Variants in GRIA4 observed in about 807,000 individuals in gnomAD.
The protein encoded by GRIA4 is glutamate ionotropic receptor AMPA type subunit 4.
Under a neutral mutation model 104.0 loss-of-function variants are expected in GRIA4, and 34 were observed. The observed-to-expected ratio is 0.33, with a 90% confidence interval of 0.25 to 0.44. GRIA4 has a LOEUF of 0.44. Ranked by LOEUF, GRIA4 falls within the 20% of genes least tolerant of loss-of-function variation. The pLI is 1.00. For missense variants in GRIA4, 750 were observed against 1,096.5 expected, an observed-to-expected ratio of 0.68 and a Z score of 4.46; for synonymous variants, 386 against 381.9, an observed-to-expected ratio of 1.01 and a Z score of -0.13.
At chr11:105,871,691 A>C (rs1227054019) in intron 5 of GRIA4, among the ~76,000 whole-genome samples, 1 of 151,948 alleles carries the variant, frequency 6.6e-6, no homozygotes, top group Non-Finnish European at 1.5e-5. Flanking sequence ...TGAAAAAAAA[A>C]TCTGCTGAAA....
At chr11:105,650,036 T>A (rs1485770938) in intron 3 of GRIA4, among the ~76,000 whole-genome samples, 1 of 152,134 alleles carries the variant, frequency 6.6e-6, no homozygotes, top group African/African-American at 2.4e-5. Flanking sequence ...AACATGTGTA[T>A]AATATAATTT....
At chr11:105,687,862 CT>C (rs1220337500) in intron 3 of GRIA4, among the ~76,000 whole-genome samples, 2 of 152,140 alleles carry the variant, frequency 1.3e-5, no homozygotes, top group Non-Finnish European at 2.9e-5. Context: ...ATAACTTATC[CT>C]TAAAGTTTCT....
intron 14 of GRIA4, among the ~76,000 whole-genome samples, chr11:105,956,811 C>G (rs910499057): frequency 1.4e-4 from 21 of 152,272 alleles, no homozygotes; most frequent in South Asian, 8.3e-4. Context: ...TAACTGGTGT[C>G]AGATGGTATC....
chr11:105,830,704 A>T (rs1425944155), intron 4 of GRIA4, among the ~76,000 whole-genome samples: 1 of 152,056 alleles, frequency 6.6e-6, no homozygotes, highest in Admixed American at 6.6e-5. Context: ...TCAATTGGAC[A>T]TAGGCATAAC....
chr11:105,862,809 T>C (rs1945275342), intron 5 of GRIA4, among the ~76,000 whole-genome samples: 1 of 152,220 alleles, frequency 6.6e-6, no homozygotes, highest in African/African-American at 2.4e-5. Flanking sequence ...TATTTGTTGA[T>C]TTGATTTGAA....
chr11:105,971,758 G>A (rs1384501775), intron 14 of GRIA4, among the ~76,000 whole-genome samples, 156 bp from the exon 15 acceptor site: 1 of 152,172 alleles, frequency 6.6e-6, no homozygotes, highest in Non-Finnish European at 1.5e-5. Context: ...GCAGGCCCCA[G>A]TTTTATGTCT....
chr11:105,640,996 T>C (rs1175580405), intron 3 of GRIA4, among the ~76,000 whole-genome samples: 1 of 152,092 alleles, frequency 6.6e-6, no homozygotes, highest in African/African-American at 2.4e-5. Context: ...TTAGCCTAAT[T>C]ATTATTTTTT....
chr11:105,795,398 G>A (rs181054198), intron 4 of GRIA4, among the ~76,000 whole-genome samples: 1 of 152,234 alleles, frequency 6.6e-6, no homozygotes, highest in Admixed American at 6.5e-5. Context: ...GAGAAGTCAT[G>A]CCTTGGCTCC....
chr11:105,855,527 A>G (rs941551806), intron 4 of GRIA4, among the ~76,000 whole-genome samples: 1 of 152,126 alleles, frequency 6.6e-6, no homozygotes, highest in Admixed American at 6.6e-5. Context: ...AAAAAGTTGT[A>G]CTTTATGAGC....
At chr11:105,897,614 T>C (rs886471419) in intron 6 of GRIA4, among the ~76,000 whole-genome samples, 4 of 152,156 alleles carry the variant, frequency 2.6e-5, no homozygotes, top group Non-Finnish European at 5.9e-5. Flanking sequence ...ATTTTTATTA[T>C]GAAAGTATGT....
At chr11:105,810,962 G>A (rs183679098) in intron 4 of GRIA4, among the ~76,000 whole-genome samples, 3 of 152,080 alleles carry the variant, frequency 2.0e-5, no homozygotes, top group East Asian at 1.9e-4. Context: ...TTATGGCTAC[G>A]ATTTCTGAAG....
intron 3 of GRIA4, among the ~76,000 whole-genome samples, chr11:105,713,800 A>G (rs1953997805): frequency 6.6e-6 from 1 of 152,212 alleles, no homozygotes; most frequent in South Asian, 2.1e-4. Flanking sequence ...TGGAAATTTT[A>G]AAGTAGCTTG....
intron 4 of GRIA4, among the ~76,000 whole-genome samples, chr11:105,820,139 A>G (rs1460940387): frequency 1.3e-5 from 2 of 152,124 alleles, no homozygotes; most frequent in Non-Finnish European, 2.9e-5. Context: ...TCAGACTTCT[A>G]GCCCCTACAA....
chr11:105,760,938 G>C (rs548399809), intron 4 of GRIA4, among the ~76,000 whole-genome samples: 2 of 152,010 alleles, frequency 1.3e-5, no homozygotes, highest in African/African-American at 4.8e-5. Flanking sequence ...TAGCTGCAAG[G>C]TTCTATATAA....
intron 4 of GRIA4, among the ~76,000 whole-genome samples, chr11:105,823,077 A>T (rs1253633076): frequency 6.6e-6 from 1 of 152,106 alleles, no homozygotes; most frequent in Non-Finnish European, 1.5e-5. Context: ...GTTCAATCCC[A>T]TTTCATATTT....
intron 3 of GRIA4, among the ~76,000 whole-genome samples, chr11:105,701,788 C>T (rs1953503174): frequency 6.6e-6 from 1 of 152,132 alleles, no homozygotes; most frequent in African/African-American, 2.4e-5. Context: ...GCATAATACA[C>T]ATTTAGACCT....
intron 7 of GRIA4, among the ~76,000 whole-genome samples, chr11:105,902,175 T>C (rs1410655295): frequency 6.6e-6 from 1 of 152,200 alleles, no homozygotes; most frequent in Admixed American, 6.5e-5. Context: ...TTCTTTTAAA[T>C]CCTTCTAATA....
chr11:105,689,594 T>C (rs949479749), intron 3 of GRIA4, among the ~76,000 whole-genome samples: 1 of 152,296 alleles, frequency 6.6e-6, no homozygotes, highest in African/African-American at 2.4e-5. Context: ...ACACATTTTA[T>C]TGGCCAGATA....
intron 4 of GRIA4, among the ~76,000 whole-genome samples, chr11:105,829,454 C>A (rs17104611): frequency 0.026 from 3,887 of 152,032 alleles, 102 homozygotes; most frequent in African/African-American, 0.064. Flanking sequence ...TAATTACCAC[C>A]CTTACCTGCC....
Sources: gnomAD v4.1 joint callset for allele counts (sites outside exome capture counted in the v4.1 genomes callset) on GRCh38, gnomAD v4.1.1 for gene constraint, MANE v1.5 for transcripts, NCBI Gene and HGNC (gene_info 2026-07-23, HGNC 2026-07-21) for gene names.